NPEPPS: variants seen among roughly 807,000 people sequenced by gnomAD.
NPEPPS encodes puromycin-sensitive aminopeptidase.
In NPEPPS, 14 loss-of-function variants were observed where a neutral mutation model predicts 115.5. The ratio of observed to expected loss-of-function variants is 0.12; its 90% CI spans 0.08 to 0.19. The LOEUF (loss-of-function observed/expected upper bound fraction) is 0.19. Ranked by LOEUF, NPEPPS falls within the 10% of genes least tolerant of loss-of-function variation. NPEPPS has a pLI of 1.00. For missense variants in NPEPPS, 523 were observed against 1,110.8 expected (o/e 0.47, Z 7.52); for synonymous variants, 285 against 390.6 (o/e 0.73, Z 3.19).
upstream of NPEPPS, among the ~76,000 whole-genome samples, chr17:47,529,505 A>C: frequency 6.7e-6 from 1 of 149,660 alleles, no homozygotes; most frequent in East Asian, 2.0e-4. Flanking sequence ...CCCGGGTTCA[A>C]GCGATTCTCC....
intron 1 of NPEPPS, among the ~76,000 whole-genome samples, chr17:47,533,100 G>A (rs1907942757): frequency 6.6e-6 from 1 of 151,938 alleles, no homozygotes; most frequent in African/African-American, 2.4e-5. Context: ...AAGAGGGTAC[G>A]GTACTCAGAT....
At chr17:47,540,500 G>A (rs1908670379) in intron 1 of NPEPPS, among the ~76,000 whole-genome samples, 1 of 152,226 alleles carries the variant, frequency 6.6e-6, no homozygotes, top group Admixed American at 6.5e-5. Context: ...TGGAAGAGCA[G>A]CATCACAATG....
chr17:47,590,300 G>T (rs1199826707), intron 9 of NPEPPS, among the ~76,000 whole-genome samples: 1 of 152,120 alleles, frequency 6.6e-6, no homozygotes, highest in Non-Finnish European at 1.5e-5. Flanking sequence ...GAGGCAGGTG[G>T]ATCACTTGAG....
At chr17:47,612,384 A>G in intron 17 of NPEPPS, 76 bp from the exon 18 acceptor site, 1 of 1,485,002 alleles carries the variant, frequency 6.7e-7, no homozygotes, top group Non-Finnish European at 9.2e-7. Flanking sequence ...TAGCACAATT[A>G]TAAGATATCC....
chr17:47,545,793 T>G, intron 1 of NPEPPS, 116 bp from the exon 2 acceptor site: 1 of 1,466,626 alleles, frequency 6.8e-7, no homozygotes, highest in South Asian at 1.3e-5. Context: ...GCGATCCTCT[T>G]TGCTTGGCCT....
intron 15 of NPEPPS, among the ~76,000 whole-genome samples, chr17:47,602,200 C>T (rs1023926620): frequency 4.6e-5 from 7 of 152,030 alleles, no homozygotes; most frequent in African/African-American, 1.5e-4. Context: ...CACAAAAATA[C>T]CAATAGGTAA....
At chr17:47,581,468 A>G (rs1275863316) in intron 4 of NPEPPS, 1 of 152,142 alleles carries the variant, frequency 6.6e-6, no homozygotes, top group Non-Finnish European at 1.5e-5. Context: ...TGTCCTTTAG[A>G]TATTTTCAAA....
intron 12 of NPEPPS, among the ~76,000 whole-genome samples, chr17:47,595,196 G>T (rs1912787820): frequency 2.0e-5 from 3 of 152,206 alleles, no homozygotes; most frequent in Non-Finnish European, 4.4e-5. Context: ...CTCCCAAAGT[G>T]CTGGGATTGC....
chr17:47,562,587 G>A (rs4082267), intron 2 of NPEPPS, among the ~76,000 whole-genome samples: 1 of 148,824 alleles, frequency 6.7e-6, no homozygotes, highest in Non-Finnish European at 1.5e-5. Flanking sequence ...TATTAATGTA[G>A]GAAGGCTTTT....
At chr17:47,565,172 A>G (rs1378254353) in intron 2 of NPEPPS, among the ~76,000 whole-genome samples, 1 of 152,196 alleles carries the variant, frequency 6.6e-6, no homozygotes, top group Non-Finnish European at 1.5e-5. Flanking sequence ...ACAAGAGGGT[A>G]TAGAATGAGG....
intron 16 of NPEPPS, 52 bp downstream of exon 16, chr17:47,604,101 C>T (rs1002137449): frequency 1.9e-6 from 3 of 1,554,834 alleles, no homozygotes; most frequent in Non-Finnish European, 2.6e-6. Context: ...TTAAAAGATT[C>T]TGTTTTTCCT....
rs1418220495 is a variant in NPEPPS, at chr17:47,592,563, G to A, written c.1426+18G>A. The A allele has an allele frequency of 1.3e-6, 2 of 1,578,126 alleles. No individual in the cohort carries two copies. Among genetic ancestry groups the A allele is most frequent in the South Asian group, 2.3e-5 (2 of 86,178 alleles). The stretch of plus-strand genomic sequence containing the variant: ...TGCCACAGGTAATCTCTAATAGCTT[G>A]AGATAGAAATGGAGAGAAAGTATTG... On this transcript the variant is annotated intron_variant, in intron 12 of 22. Coordinates refer to ENST00000322157, the MANE Select transcript of NPEPPS (RefSeq NM_006310.4).
chr17:47,621,939 T>C lies in NPEPPS; in HGVS notation c.*19T>C, dbSNP rs773223548. The stretch of plus-strand genomic sequence containing the variant: ...AGTGTGAATCCTGAGGTGCCGCCAT[T>C]GGCGGTTCTGCTGCTTCGCTGCAGG... On this transcript the variant is annotated 3_prime_UTR_variant, in exon 23 of 23. Transcript: ENST00000322157. 6.3e-7 allele frequency: 1 copy of C among 1,597,880 alleles called. No homozygotes were observed. Among genetic ancestry groups the C allele is most frequent in the Non-Finnish European group, 8.5e-7 (1 of 1,170,708 alleles).
At chr17:47,578,714 T>C (rs1423802186) in intron 3 of NPEPPS, among the ~76,000 whole-genome samples, 1 of 151,994 alleles carries the variant, frequency 6.6e-6, no homozygotes, top group African/African-American at 2.4e-5. Flanking sequence ...TGTAAGAATT[T>C]GTTTTATGCC....
intron 17 of NPEPPS, among the ~76,000 whole-genome samples, chr17:47,610,180 CAAAA>C (rs888805212): frequency 6.7e-6 from 1 of 148,812 alleles, no homozygotes; most frequent in African/African-American, 2.5e-5. Context: ...CCCACCCCCC[CAAAA>C]AAAAAGCCTT....
intron 3 of NPEPPS, among the ~76,000 whole-genome samples, chr17:47,574,577 T>A (rs1911391987): frequency 6.6e-6 from 1 of 152,148 alleles, no homozygotes; most frequent in Non-Finnish European, 1.5e-5. Flanking sequence ...ATTTATTTAA[T>A]CCTTTCAACA....
At chr17:47,560,332 A>G (rs1231397733) in intron 2 of NPEPPS, among the ~76,000 whole-genome samples, 1 of 152,208 alleles carries the variant, frequency 6.6e-6, no homozygotes, top group Non-Finnish European at 1.5e-5. Flanking sequence ...GTTCACAGTC[A>G]TTTATTAAGA....
intron 16 of NPEPPS, 194 bp downstream of exon 16, chr17:47,604,243 C>T: frequency 2.4e-6 from 1 of 422,440 alleles, no homozygotes; most frequent in Non-Finnish European, 4.1e-6. Context: ...TTTCACTACT[C>T]CTAAGCCAGC....
At chr17:47,528,624 A>G (rs1426642895), upstream of NPEPPS, among the ~76,000 whole-genome samples, 4 of 151,994 alleles carry the variant, frequency 2.6e-5, no homozygotes, top group Non-Finnish European at 5.9e-5. Context: ...AATAAGTAAA[A>G]TATCTCATTA....
Sources: gnomAD v4.1 joint callset for allele counts (sites outside exome capture counted in the v4.1 genomes callset) on GRCh38, gnomAD v4.1.1 for gene constraint, MANE v1.5 for transcripts, NCBI Gene and HGNC (gene_info 2026-07-23, HGNC 2026-07-21) for gene names.